Variants in CNTN5 observed in about 807,000 individuals in gnomAD.
CNTN5 encodes the protein contactin-5.
CNTN5 carries 77 observed loss-of-function variants against 129.1 expected under a neutral mutation model. That is an observed-to-expected ratio of 0.60 (90% CI 0.50 to 0.72). The LOEUF is 0.72. Among genes scored for constraint, CNTN5 ranks in the 30% least tolerant of loss-of-function variants. CNTN5 has a pLI of 0.00. For synonymous variants in CNTN5, 509 were observed against 465.6 expected (o/e 1.09, Z -1.20); for missense variants, 1,478 against 1,328.8 (o/e 1.11, Z -1.75).
intron 3 of CNTN5, among the ~76,000 whole-genome samples, chr11:99,730,489 G>A (rs4559655): frequency 0.029 from 4,392 of 152,186 alleles, 199 homozygotes; most frequent in African/African-American, 0.1. Flanking sequence ...AGGGCTGCCG[G>A]TTATCTACTA....
chr11:99,113,579 T>A (rs1213349990), intron 1 of CNTN5, among the ~76,000 whole-genome samples: 1 of 152,156 alleles, frequency 6.6e-6, no homozygotes, highest in Admixed American at 6.5e-5. Flanking sequence ...ATCTGTCAGC[T>A]GAAGCATTTC....
chr11:99,656,872 C>T (rs1952388250), intron 3 of CNTN5, among the ~76,000 whole-genome samples: 1 of 151,820 alleles, frequency 6.6e-6, no homozygotes, highest in Non-Finnish European at 1.5e-5. Flanking sequence ...GAACGTATTT[C>T]TTTAGAAAAT....
chr11:99,763,477 A>C (rs577540803), intron 3 of CNTN5, among the ~76,000 whole-genome samples: 2 of 152,246 alleles, frequency 1.3e-5, no homozygotes, highest in Admixed American at 1.3e-4. Flanking sequence ...TAATAATTTT[A>C]TTGTGGATAA....
At chr11:99,364,648 A>T (rs1355015545) in intron 2 of CNTN5, among the ~76,000 whole-genome samples, 1 of 152,128 alleles carries the variant, frequency 6.6e-6, no homozygotes, top group Non-Finnish European at 1.5e-5. Flanking sequence ...TCGTGAAAAA[A>T]TTGATTGAAA....
chr11:99,227,613 C>A (rs1860761427), intron 1 of CNTN5, among the ~76,000 whole-genome samples: 1 of 152,076 alleles, frequency 6.6e-6, no homozygotes, highest in African/African-American at 2.4e-5. Flanking sequence ...AATTCTTTAA[C>A]ATGAGGAAAA....
At chr11:99,234,393 C>T (rs924091591) in intron 1 of CNTN5, among the ~76,000 whole-genome samples, 2 of 152,092 alleles carry the variant, frequency 1.3e-5, no homozygotes, top group Non-Finnish European at 2.9e-5. Flanking sequence ...ACGCTCTATT[C>T]GTAGATCTTA....
At chr11:100,219,394 A>G (rs1949215009) in intron 15 of CNTN5, among the ~76,000 whole-genome samples, 1 of 152,244 alleles carries the variant, frequency 6.6e-6, no homozygotes, top group South Asian at 2.1e-4. Flanking sequence ...GCTACAAGTC[A>G]GCCCAGGAAA....
chr11:99,999,429 G>C (rs1939704913), intron 8 of CNTN5, among the ~76,000 whole-genome samples: 1 of 152,194 alleles, frequency 6.6e-6, no homozygotes, highest in East Asian at 1.9e-4. Flanking sequence ...CTGGCCATCA[G>C]AGAAATGCAA....
At chr11:100,174,208 A>C (rs1229467638) in intron 13 of CNTN5, among the ~76,000 whole-genome samples, 1 of 152,114 alleles carries the variant, frequency 6.6e-6, no homozygotes, top group Non-Finnish European at 1.5e-5. Flanking sequence ...AAACAAGGAT[A>C]TGGATATCAG....
At chr11:99,030,045 C>T (rs1259277437) in intron 1 of CNTN5, among the ~76,000 whole-genome samples, 1 of 152,034 alleles carries the variant, frequency 6.6e-6, no homozygotes. Context: ...GAGAAGAAAC[C>T]ACATTCATGG....
intron 2 of CNTN5, among the ~76,000 whole-genome samples, chr11:99,408,376 AAAAAAAAGAAAG>A (rs1198827683): frequency 2.8e-5 from 4 of 143,264 alleles, no homozygotes; most frequent in African/African-American, 8.4e-5. Flanking sequence ...CCAAAAAAAA[AAAAAAAAGAAAG>A]AAAGAAAGAA....
At chr11:100,036,961 C>T (rs895102519) in intron 9 of CNTN5, among the ~76,000 whole-genome samples, 10 of 150,376 alleles carry the variant, frequency 6.7e-5, no homozygotes, top group African/African-American at 2.5e-4. Context: ...ACCCTTTATT[C>T]CCTTCTCCTG....
chr11:100,128,074 C>T (rs1946253298), intron 13 of CNTN5, among the ~76,000 whole-genome samples: 1 of 151,982 alleles, frequency 6.6e-6, no homozygotes, highest in Non-Finnish European at 1.5e-5. Flanking sequence ...CTTTATGCAC[C>T]AATTATTCAA....
intron 13 of CNTN5, among the ~76,000 whole-genome samples, chr11:100,122,180 C>T (rs1946046432): frequency 6.6e-6 from 1 of 151,890 alleles, no homozygotes; most frequent in South Asian, 2.1e-4. Context: ...ATGTCATTCT[C>T]AGTTTGAGGT....
At chr11:99,233,836 C>T (rs1861131413) in intron 1 of CNTN5, among the ~76,000 whole-genome samples, 1 of 152,158 alleles carries the variant, frequency 6.6e-6, no homozygotes, top group African/African-American at 2.4e-5. Flanking sequence ...GTCCCAGCTA[C>T]TTGGGAGGCT....
At chr11:99,542,316 C>T (rs1281043075) in intron 2 of CNTN5, among the ~76,000 whole-genome samples, 5 of 152,068 alleles carry the variant, frequency 3.3e-5, no homozygotes, top group Admixed American at 6.6e-5. Flanking sequence ...CTTCCCATGC[C>T]TCCTCCCTTA....
At chr11:99,749,349 C>T (rs1352045260) in intron 3 of CNTN5, among the ~76,000 whole-genome samples, 1 of 152,146 alleles carries the variant, frequency 6.6e-6, no homozygotes, top group Non-Finnish European at 1.5e-5. Context: ...GATTCTCAAT[C>T]TTCTAACCTT....
At chr11:99,704,703 A>G (rs1954677535) in intron 3 of CNTN5, among the ~76,000 whole-genome samples, 3 of 151,376 alleles carry the variant, frequency 2.0e-5, no homozygotes, top group Non-Finnish European at 1.5e-5. Flanking sequence ...TATGCATTCT[A>G]TATATCCCTG....
At chr11:99,227,647 G>A (rs920360257) in intron 1 of CNTN5, among the ~76,000 whole-genome samples, 13 of 152,088 alleles carry the variant, frequency 8.5e-5, no homozygotes, top group African/African-American at 3.1e-4. Flanking sequence ...GTGCTTCAAT[G>A]CGTTATCAAT....
Sources: gnomAD v4.1 joint callset for allele counts (sites outside exome capture counted in the v4.1 genomes callset) on GRCh38, gnomAD v4.1.1 for gene constraint, MANE v1.5 for transcripts, NCBI Gene and HGNC (gene_info 2026-07-23, HGNC 2026-07-21) for gene names.